Variants in RTN4 observed in about 807,000 individuals in gnomAD.
The protein encoded by RTN4 is reticulon 4.
RTN4 carries 32 observed loss-of-function variants against 90.4 expected under a neutral mutation model. That is an observed-to-expected ratio of 0.35 (90% CI 0.27 to 0.48). RTN4 has a LOEUF of 0.48. Ranked by LOEUF, RTN4 falls within the 20% of genes least tolerant of loss-of-function variation. The pLI, the probability that RTN4 is intolerant of heterozygous loss-of-function variation, is 0.99. For synonymous variants in RTN4, 629 were observed against 552.5 expected (o/e 1.14, Z -1.94); for missense variants, 1,706 against 1,430.2 (o/e 1.19, Z -3.11).
chr2:55,031,477 G>C (rs1000531866), intron 1 of RTN4, among the ~76,000 whole-genome samples: 2 of 152,200 alleles, frequency 1.3e-5, no homozygotes, highest in African/African-American at 4.8e-5. Context: ...TAAACCTCTG[G>C]GTGAATACTA....
chr2:55,083,428 A>G (rs547885229), intron 1 of RTN4, among the ~76,000 whole-genome samples: 22 of 151,988 alleles, frequency 1.4e-4, no homozygotes, highest in African/African-American at 5.1e-4. Context: ...CCTGGGAGGC[A>G]GAGGTTGCAG....
chr2:54,978,249 G>A (rs1421845632), intron 5 of RTN4, among the ~76,000 whole-genome samples: 2 of 152,040 alleles, frequency 1.3e-5, no homozygotes, highest in East Asian at 3.9e-4. Context: ...GGCCAACTTG[G>A]CAAAACCCCA....
At chr2:55,022,380 T>C (rs1173472076) in intron 3 of RTN4, among the ~76,000 whole-genome samples, 1 of 152,140 alleles carries the variant, frequency 6.6e-6, no homozygotes, top group Non-Finnish European at 1.5e-5. Context: ...CTCCTCAACA[T>C]CTTTACTGAA....
chr2:55,039,100 T>G (rs1383489007), intron 1 of RTN4, among the ~76,000 whole-genome samples: 2 of 152,130 alleles, frequency 1.3e-5, no homozygotes, highest in Non-Finnish European at 2.9e-5. Context: ...GTGTTGCGGG[T>G]AGGAACCAGA....
At chr2:55,091,195 C>T (rs1312245414) in intron 1 of RTN4, among the ~76,000 whole-genome samples, 2 of 152,180 alleles carry the variant, frequency 1.3e-5, no homozygotes, top group Non-Finnish European at 2.9e-5. Flanking sequence ...CCACCATTTA[C>T]AATCATTCAT....
intron 1 of RTN4, among the ~76,000 whole-genome samples, chr2:55,039,128 T>C (rs1682889469): frequency 6.6e-6 from 1 of 152,226 alleles, no homozygotes. Flanking sequence ...ATTGAAGGAC[T>C]GACTGCTAAG....
rs986141808 is a variant in RTN4 at position 54,972,241 on chromosome 2, T to G, written c.*915A>C. The G allele has an allele frequency of 6.5e-6, 1 of 152,698 alleles. No homozygotes were observed. Among genetic ancestry groups the G allele is most frequent in the African/African-American group, 2.4e-5 (1 of 41,464 alleles). The allele number at this position is 152,698 out of a possible 1,614,324, so 9.5% of individuals were successfully genotyped here. On this transcript the variant is annotated 3_prime_UTR_variant, in exon 9 of 9. Transcript: ENST00000337526. Reference sequence around the variant, plus strand: ...TTTGCTTTTACAGTTCACAATGCATTCCACAGATTTAGTTCAGTACAGCTT... The same window carrying G: ...TTTGCTTTTACAGTTCACAATGCATGCCACAGATTTAGTTCAGTACAGCTT...
At chr2:55,070,563 A>AAAG (rs1553449995) in intron 2 of RTN4, among the ~76,000 whole-genome samples, 4 of 148,596 alleles carry the variant, frequency 2.7e-5, no homozygotes, top group African/African-American at 1.0e-4. Flanking sequence ...AAAAAAAAAA[A>AAAG]AAAGAAAGAA....
intron 3 of RTN4, among the ~76,000 whole-genome samples, chr2:54,995,824 G>A (rs973375978): frequency 6.6e-5 from 10 of 152,106 alleles, no homozygotes; most frequent in African/African-American, 2.2e-4. Flanking sequence ...AAAACCCCAT[G>A]CAGACATGGG....
chr2:55,119,203 GT>G, the RTN4 span, among the ~76,000 whole-genome samples: 1 of 152,100 alleles, frequency 6.6e-6, no homozygotes, highest in Non-Finnish European at 1.5e-5. Flanking sequence ...TTTTTGAAAC[GT>G]TTTTTTCCTT....
chr2:55,038,926 C>G (rs1682873687), intron 1 of RTN4, among the ~76,000 whole-genome samples: 1 of 152,212 alleles, frequency 6.6e-6, no homozygotes, highest in Non-Finnish European at 1.5e-5. Context: ...TTAAAAGGAA[C>G]AAATTACTGA....
At position 54,982,545 on chromosome 2, in the gene RTN4, G is replaced by A. The variant is rs929445970; in HGVS notation, c.3330C>T (p.Phe1110=). 3 of 1,612,596 alleles carry A rather than the reference G, an allele frequency of 1.9e-6. No homozygotes were observed. The African/African-American group carries it at 4.0e-5, about 22-fold the overall frequency. The change falls in exon 5 of 9, where the codon TTC becomes TTT. Residue 1110 remains phenylalanine (F), a synonymous_variant. Coordinates refer to ENST00000337526, the MANE Select transcript of RTN4 (RefSeq NM_020532.5). ...NCTIKELRRL[F]LVDDLVDSLK... is the part of the protein sequence containing the mutation. The stretch of plus-strand genomic sequence containing the variant: ...GAGAATCAACTAAATCATCAACTAA[G>A]AAGAGGCGCCTGAGTTCCTTTATCG...
rs1217779306 is a variant in RTN4, at chr2:54,972,521, G to GTA, written c.*633_*634dup. On this transcript the variant is annotated 3_prime_UTR_variant, in exon 9 of 9. Transcript: ENST00000337526. The stretch of plus-strand genomic sequence containing the variant: ...GCTTATGTGCTTTGGAACTACACAT[G>GTA]TATAACCAATGACTGACTCTGAAAT... 6.6e-6 allele frequency: 1 copy of GTA among 152,630 alleles called. No homozygotes were observed. The highest frequency in any genetic ancestry group is 1.9e-4 in the East Asian group (1 of 5,196). 9.5% of individuals were successfully genotyped at this position (152,630 alleles called of 1,614,324 possible).
chr2:55,092,503 G>T (rs1004270900), intron 1 of RTN4, among the ~76,000 whole-genome samples: 1 of 152,070 alleles, frequency 6.6e-6, no homozygotes, highest in Non-Finnish European at 1.5e-5. Context: ...TAAAGTGCTG[G>T]GATTACAGGC....
At chr2:55,022,664 T>C (rs1276459585) in intron 3 of RTN4, among the ~76,000 whole-genome samples, 1 of 152,028 alleles carries the variant, frequency 6.6e-6, no homozygotes, top group Admixed American at 6.6e-5. Flanking sequence ...TCACTGCCCT[T>C]TACCAAGGAC....
At chr2:55,109,763 T>A (rs1343362139) in intron 1 of RTN4, among the ~76,000 whole-genome samples, 1 of 152,176 alleles carries the variant, frequency 6.6e-6, no homozygotes, top group African/African-American at 2.4e-5. Flanking sequence ...CCGAGTGCCC[T>A]TTGGCAAACA....
intron 1 of RTN4, among the ~76,000 whole-genome samples, chr2:55,101,404 T>A (rs1242944083): frequency 6.6e-6 from 1 of 152,114 alleles, no homozygotes; most frequent in African/African-American, 2.4e-5. Context: ...CATGGTAGCT[T>A]CTCAGGAAAT....
intron 2 of RTN4, among the ~76,000 whole-genome samples, chr2:55,060,269 C>T (rs980805853): frequency 6.6e-6 from 1 of 152,218 alleles, no homozygotes; most frequent in Admixed American, 6.5e-5. Context: ...ATACAGTTAA[C>T]AATAGTATCT....
At chr2:55,105,426 C>T (rs947104069) in intron 1 of RTN4, among the ~76,000 whole-genome samples, 2 of 150,926 alleles carry the variant, frequency 1.3e-5, no homozygotes, top group Non-Finnish European at 3.0e-5. Flanking sequence ...GATGGGTTTT[C>T]GCCATGTTGG....
Sources: gnomAD v4.1 joint callset for allele counts (sites outside exome capture counted in the v4.1 genomes callset) on GRCh38, gnomAD v4.1.1 for gene constraint, MANE v1.5 for transcripts, NCBI Gene and HGNC (gene_info 2026-07-23, HGNC 2026-07-21) for gene names.